Variants in MRPS23 observed in about 807,000 individuals in gnomAD.
MRPS23 encodes the protein small ribosomal subunit protein mS23.
MRPS23 carries 14 observed loss-of-function variants against 19.8 expected under a neutral mutation model. That is an observed-to-expected ratio of 0.71 (90% CI 0.47 to 1.11). The LOEUF (loss-of-function observed/expected upper bound fraction) is 1.11, where lower values mean the gene tolerates loss of function less well. Ranked by LOEUF, MRPS23 falls within the 50% of genes least tolerant of loss-of-function variation. The pLI is 0.00. For synonymous variants in MRPS23, 113 were observed against 89.7 expected (o/e 1.26, Z -1.47); for missense variants, 242 against 236.7 (o/e 1.02, Z -0.15).
In MRPS23 at chr17:57,839,806, A is replaced by G. The variant is rs118113570; in HGVS notation, c.550T>C (p.Ser184Pro). The change falls in exon 5 of 5, where the codon TCG becomes CCG. Residue 184 changes from serine (S) to proline (P), a missense_variant. By Grantham distance (74) the Ser-to-Pro change is moderately conservative. Transcript: ENST00000313608. ...CTTCAGGGAGGCAAGAGACCTTTCG[A>G]CTGGTCTGCAGGTGCCTCCAAATGC... ...DQHLEAPADQ[S>P]KGLLPP 1 of 1,614,160 alleles carries G rather than the reference A, an allele frequency of 6.2e-7. No individual in the cohort carries two copies. Among genetic ancestry groups the G allele is most frequent in the East Asian group, 2.2e-5 (1 of 44,880 alleles).
At chr17:57,843,429 T>C (rs1044138916) in intron 2 of MRPS23, among the ~76,000 whole-genome samples, 9 of 152,242 alleles carry the variant, frequency 5.9e-5, no homozygotes, top group African/African-American at 2.2e-4. Flanking sequence ...AAACTGAATT[T>C]CCTTTTCTGT....
chr17:57,835,952 CT>C lies in MRPS23; in HGVS notation c.*3830del, dbSNP rs11304363. ...ATAAGAATTTCTGCCCTCCTTTATA[CT>C]TTTTTTTTTTTTTTTTTTGAGACAG... On this transcript the variant is annotated 3_prime_UTR_variant, in exon 5 of 5. Transcript: ENST00000313608. 0.5 allele frequency: 67,385 copies of C among 134,928 alleles called. 16,464 individuals carry two copies. The highest frequency in any genetic ancestry group is 0.75 in the East Asian group (3,423 of 4,576). 8.4% of individuals were successfully genotyped at this position (134,928 alleles called of 1,614,324 possible).
At chr17:57,845,194 T>C (rs906367022) in intron 2 of MRPS23, among the ~76,000 whole-genome samples, 1 of 152,166 alleles carries the variant, frequency 6.6e-6, no homozygotes, top group African/African-American at 2.4e-5. Flanking sequence ...AAAGCACAAA[T>C]GATTTTAATG....
intron 2 of MRPS23, 160 bp downstream of exon 2, chr17:57,849,080 A>C: frequency 3.6e-6 from 3 of 823,746 alleles, no homozygotes; most frequent in South Asian, 3.9e-5. Flanking sequence ...CTTCAGTTTC[A>C]CTATGAGGAA....
Position 57,839,730 on chromosome 17 carries a change from C to A in MRPS23, c.*53G>T. 6.3e-7 allele frequency: 1 copy of A among 1,580,916 alleles called. No individual in the cohort carries two copies. Among genetic ancestry groups the A allele is most frequent in the Non-Finnish European group, 8.6e-7 (1 of 1,159,258 alleles). On this transcript the variant is annotated 3_prime_UTR_variant, in exon 5 of 5. Transcript: ENST00000313608. Reference sequence around the variant, plus strand: ...GTTCAACTGTTTAAAAATAGCTCAACATTCAGCCAGTGAGTAGAGTGTGAA... The same window carrying A: ...GTTCAACTGTTTAAAAATAGCTCAAAATTCAGCCAGTGAGTAGAGTGTGAA...
At position 57,837,481 on chromosome 17, in the gene MRPS23, T is replaced by G. The variant is rs1282766844; in HGVS notation, c.*2302A>C. The G allele has an allele frequency of 6.6e-6, 1 of 152,092 alleles. No individual in the cohort carries two copies. Among genetic ancestry groups the G allele is most frequent in the African/African-American group, 2.4e-5 (1 of 41,398 alleles). The allele number at this position is 152,092 out of a possible 1,614,324, so 9.4% of individuals were successfully genotyped here. On this transcript the variant is annotated 3_prime_UTR_variant, in exon 5 of 5. Transcript: ENST00000313608. The stretch of plus-strand genomic sequence containing the variant: ...ACTAGAAAAGCAAGGTACAGAACAG[T>G]ATGCATAGTGTCCTGTCCATGCCCA...
At chr17:57,849,507 C>A in intron 1 of MRPS23, 97 bp from the exon 2 acceptor site, 2 of 1,408,214 alleles carry the variant, frequency 1.4e-6, no homozygotes, top group Admixed American at 2.2e-5. Context: ...AGGTATTATG[C>A]GGTCTGCAAC....
chr17:57,840,436 C>T (rs546634273), intron 4 of MRPS23, among the ~76,000 whole-genome samples: 3 of 151,420 alleles, frequency 2.0e-5, no homozygotes, highest in East Asian at 1.9e-4. Flanking sequence ...GCCCTAATGA[C>T]GACTCACTTG....
chr17:57,840,277 C>T (rs11868482), intron 4 of MRPS23, among the ~76,000 whole-genome samples: 34,260 of 151,770 alleles, frequency 0.23, 4,264 homozygotes, highest in Non-Finnish European at 0.29. Flanking sequence ...GTCCCAGCTA[C>T]TCGGGAGGCT....
rs2073721644 is a variant in MRPS23 at position 57,838,626 on chromosome 17, A to T, written c.*1157T>A. The T allele has an allele frequency of 6.6e-6, 1 of 152,256 alleles. No homozygotes were observed. Among genetic ancestry groups the T allele is most frequent in the African/African-American group, 2.4e-5 (1 of 41,464 alleles). 9.4% of individuals were successfully genotyped at this position (152,256 alleles called of 1,614,324 possible). ...CCTACGGAAAAGTAAAGCATTCTCC[A>T]AATGCAAGCAGTTGTGAAACAGTGA... On this transcript the variant is annotated 3_prime_UTR_variant, in exon 5 of 5. Transcript: ENST00000313608.
chr17:57,840,060 A>C lies in MRPS23; in HGVS notation c.421-125T>G, dbSNP rs557141750. 6.2e-5 allele frequency: 69 copies of C among 1,107,448 alleles called. 1 individual carries two copies. In the East Asian group the frequency reaches 1.7e-3, roughly 28 times the overall value. 68.6% of individuals were successfully genotyped at this position (1,107,448 alleles called of 1,614,324 possible). A position where few individuals can be genotyped will look rare whatever the true frequency, so the allele number is the denominator to read the frequency against. On this transcript the variant is annotated intron_variant, in intron 4 of 4. Coordinates refer to ENST00000313608, the MANE Select transcript of MRPS23 (RefSeq NM_016070.4). ...AATTTAGCACTAATATCTTAGATCC[A>C]ATTCTACTATAACAAATAGTAAACA...
At chr17:57,846,391 C>T (rs2073775869) in intron 2 of MRPS23, among the ~76,000 whole-genome samples, 1 of 152,246 alleles carries the variant, frequency 6.6e-6, no homozygotes, top group African/African-American at 2.4e-5. Context: ...CCCCTCTGCC[C>T]GGCCGCCACC....
intron 2 of MRPS23, among the ~76,000 whole-genome samples, chr17:57,845,870 T>G (rs1228520404): frequency 6.6e-6 from 1 of 152,212 alleles, no homozygotes; most frequent in Non-Finnish European, 1.5e-5. Context: ...CACAATGGGC[T>G]AGGCACTGAA....
At chr17:57,840,407 A>G (rs1345211547) in intron 4 of MRPS23, among the ~76,000 whole-genome samples, 5 of 151,420 alleles carry the variant, frequency 3.3e-5, no homozygotes, top group Admixed American at 3.3e-4. Flanking sequence ...AAAAAAGTCT[A>G]TAGAACCAAA....
chr17:57,845,520 A>C (rs1389153192), intron 2 of MRPS23, among the ~76,000 whole-genome samples: 1 of 152,186 alleles, frequency 6.6e-6, no homozygotes, highest in Admixed American at 6.5e-5. Context: ...AACTAGACAA[A>C]TTCAAGGTAC....
In MRPS23 at chr17:57,839,845, CTTCT is replaced by C. The variant is rs752805299; in HGVS notation, c.507_510del (p.Glu170PhefsTer46). 1.6e-5 allele frequency: 26 copies of C among 1,614,230 alleles called. No individual in the cohort carries two copies. The highest frequency in any genetic ancestry group is 9.9e-5 in the South Asian group (9 of 91,090). On this transcript the variant is annotated frameshift_variant, in exon 5 of 5. Transcript: ENST00000313608. LOFTEE classifies it low-confidence loss of function (END_TRUNC). ...GCCTCCAAATGCTGGTCCTGTGGAA[CTTCT>C]TTCTGAGTCTCGTTTTCTTCCAACG...
chr17:57,846,868 C>T (rs1231380197), intron 2 of MRPS23, among the ~76,000 whole-genome samples: 2 of 150,752 alleles, frequency 1.3e-5, no homozygotes, highest in Non-Finnish European at 2.9e-5. Context: ...GTCCTATGAC[C>T]CTGCCAAATC....
At chr17:57,842,486 T>C (rs964126574) in intron 2 of MRPS23, among the ~76,000 whole-genome samples, 2 of 152,236 alleles carry the variant, frequency 1.3e-5, no homozygotes, top group African/African-American at 4.8e-5. Context: ...ATCAGTGCCA[T>C]GGAGATTGTT....
At chr17:57,844,262 C>T (rs917919337) in intron 2 of MRPS23, among the ~76,000 whole-genome samples, 3 of 151,122 alleles carry the variant, frequency 2.0e-5, no homozygotes, top group African/African-American at 7.3e-5. Flanking sequence ...TCCTCAGCCT[C>T]CCAAGTAGCT....
Sources: allele counts gnomAD v4.1 joint callset (sites outside exome capture counted in the v4.1 genomes callset), GRCh38; gene constraint gnomAD v4.1.1; transcripts MANE v1.5; gene names NCBI Gene and HGNC (gene_info 2026-07-23, HGNC 2026-07-21).